The following RBMS3 variants were observed in gnomAD, a reference collection of about 807,000 sequenced individuals.
RBMS3 encodes the protein RNA binding motif single stranded interacting protein 3.
Under a neutral mutation model 66.8 loss-of-function variants are expected in RBMS3, and 27 were observed. The ratio of observed to expected loss-of-function variants is 0.40; its 90% CI spans 0.30 to 0.56. RBMS3 has a LOEUF of 0.56. RBMS3 is among the 20% of genes least tolerant of loss of function. RBMS3 has a pLI of 0.40. For synonymous variants in RBMS3, 188 were observed against 183.0 expected, an observed-to-expected ratio of 1.03 and a Z score of -0.22; for missense variants, 513 against 549.5, an observed-to-expected ratio of 0.93 and a Z score of 0.66.
chr3:29,476,292 G>A (rs2042943686), intron 2 of RBMS3, among the ~76,000 whole-genome samples: 1 of 152,142 alleles, frequency 6.6e-6, no homozygotes, highest in Admixed American at 6.5e-5. Flanking sequence ...TTGTTTTTGA[G>A]TATCTACTAT....
chr3:29,938,388 T>C lies in RBMS3; in HGVS notation c.1050+2192T>C, dbSNP rs566195325. On this transcript the variant is annotated intron_variant, in intron 11 of 14. Transcript: ENST00000383767. ...TAATACCAAATTTCCACTAGCTTTT[T>C]TCTTTTCACCCTTTACATTTGTTCT... 5.3e-5 allele frequency among the ~76,000 whole-genome samples: 8 copies of C among 152,124 alleles called. No individual in the cohort carries two copies. The South Asian group carries it at 1.5e-3, about 28-fold the overall frequency.
intron 2 of RBMS3, among the ~76,000 whole-genome samples, chr3:29,475,208 A>G (rs2042901586): frequency 6.6e-6 from 1 of 151,504 alleles, no homozygotes; most frequent in Non-Finnish European, 1.5e-5. Context: ...AGTACAATGC[A>G]TTTGTCAGTA....
chr3:29,536,686 G>T (rs933001806), intron 3 of RBMS3, among the ~76,000 whole-genome samples: 2 of 152,204 alleles, frequency 1.3e-5, no homozygotes, highest in African/African-American at 4.8e-5. Context: ...GCAACATATT[G>T]AGTTTGTGAT....
intron 6 of RBMS3, among the ~76,000 whole-genome samples, chr3:29,796,595 A>G (rs1175294462): frequency 6.6e-6 from 1 of 152,170 alleles, no homozygotes; most frequent in African/African-American, 2.4e-5. Context: ...CATGGGCTAC[A>G]GAATGGATGT....
At chr3:29,358,971 A>G (rs2037397248) in intron 1 of RBMS3, among the ~76,000 whole-genome samples, 1 of 152,168 alleles carries the variant, frequency 6.6e-6, no homozygotes, top group Admixed American at 6.5e-5. Flanking sequence ...TTTTCTAGAT[A>G]TACAATCATG....
chr3:29,324,681 A>G (rs1028540960), intron 1 of RBMS3, among the ~76,000 whole-genome samples: 1 of 147,780 alleles, frequency 6.8e-6, no homozygotes. Context: ...AATCTCCTGC[A>G]CTAAAGTTTA....
intron 6 of RBMS3, among the ~76,000 whole-genome samples, chr3:29,860,967 C>G (rs566613966): frequency 6.6e-6 from 1 of 152,124 alleles, no homozygotes; most frequent in South Asian, 2.1e-4. Context: ...CGGTTCACGC[C>G]ATTCTCCTGC....
chr3:29,780,281 T>A (rs183959666), intron 6 of RBMS3, among the ~76,000 whole-genome samples: 18 of 151,256 alleles, frequency 1.2e-4, no homozygotes, highest in Admixed American at 1.1e-3. Context: ...TAGGTTTGAT[T>A]TGAAACTGCT....
At chr3:29,763,117 T>C in intron 6 of RBMS3, 128 bp downstream of exon 6, 1 of 608,128 alleles carries the variant, frequency 1.6e-6, no homozygotes, top group Non-Finnish European at 2.9e-6. Context: ...AATGTGTATT[T>C]TCAAATAATA....
chr3:29,287,118 T>A (rs1213118249), intron 1 of RBMS3, among the ~76,000 whole-genome samples: 2 of 152,148 alleles, frequency 1.3e-5, no homozygotes, highest in African/African-American at 4.8e-5. Context: ...TGAGGATATG[T>A]GTTGCTATTT....
At chr3:29,304,113 C>A (rs2033855300) in intron 1 of RBMS3, among the ~76,000 whole-genome samples, 1 of 151,850 alleles carries the variant, frequency 6.6e-6, no homozygotes, top group Non-Finnish European at 1.5e-5. Context: ...AGAGCCAAAC[C>A]ATATCACATA....
rs140759489 is a variant in RBMS3 at position 29,536,845 on chromosome 3, A to C, written c.307+48346A>C. Among the ~76,000 whole-genome samples the C allele has an allele frequency of 4.6e-4, 70 of 152,324 alleles. 1 individual carries two copies. In the East Asian group the frequency reaches 8.7e-3, roughly 19 times the overall value. ...CAAAAGCAGTTTCTGCTCCGACTGC[A>C]AGTGATATTGTAAAATATGAGAATT... is the stretch of plus-strand genomic sequence containing the variant. On this transcript the variant is annotated intron_variant, in intron 3 of 14. Transcript: ENST00000383767.
intron 1 of RBMS3, among the ~76,000 whole-genome samples, chr3:29,283,971 T>G (rs1276862374): frequency 6.6e-6 from 1 of 152,110 alleles, no homozygotes; most frequent in African/African-American, 2.4e-5. Flanking sequence ...TCTGACAGGG[T>G]TAATACTATA....
intron 7 of RBMS3, among the ~76,000 whole-genome samples, chr3:29,870,658 T>C (rs1236644377): frequency 1.3e-5 from 2 of 152,180 alleles, no homozygotes; most frequent in East Asian, 3.9e-4. Context: ...TACTATGATG[T>C]GGAAGCACTG....
chr3:29,292,247 G>T (rs536311453), intron 1 of RBMS3, among the ~76,000 whole-genome samples: 1 of 151,548 alleles, frequency 6.6e-6, no homozygotes, highest in East Asian at 2.0e-4. Flanking sequence ...AAACCTTAAC[G>T]ATTATTTTAA....
At chr3:29,361,947 G>A (rs1443436677) in intron 1 of RBMS3, among the ~76,000 whole-genome samples, 1 of 152,128 alleles carries the variant, frequency 6.6e-6, no homozygotes, top group Non-Finnish European at 1.5e-5. Flanking sequence ...TTAGCCATTA[G>A]TCGAATCTTT....
intron 3 of RBMS3, among the ~76,000 whole-genome samples, chr3:29,512,757 A>G (rs147785056): frequency 0.011 from 1,681 of 152,288 alleles, 36 homozygotes; most frequent in African/African-American, 0.039. Flanking sequence ...TAATATTTCA[A>G]ATTCTGTGGC....
intron 3 of RBMS3, among the ~76,000 whole-genome samples, chr3:29,488,747 A>G (rs1334310896): frequency 6.6e-6 from 1 of 152,206 alleles, no homozygotes; most frequent in Non-Finnish European, 1.5e-5. Context: ...ATAAAACTAA[A>G]TTACCTCCTA....
At chr3:29,283,989 G>T (rs1403943165) in intron 1 of RBMS3, among the ~76,000 whole-genome samples, 1 of 152,080 alleles carries the variant, frequency 6.6e-6, no homozygotes, top group Non-Finnish European at 1.5e-5. Context: ...ATACAATGAA[G>T]TACCATCATG....
Sources: allele counts gnomAD v4.1 joint callset (sites outside exome capture counted in the v4.1 genomes callset), GRCh38; gene constraint gnomAD v4.1.1; transcripts MANE v1.5; gene names NCBI Gene and HGNC (gene_info 2026-07-23, HGNC 2026-07-21).